FOXP1: variants seen among roughly 807,000 people sequenced by gnomAD.
FOXP1 encodes the protein forkhead box protein P1.
Under a neutral mutation model 98.2 loss-of-function variants are expected in FOXP1, and 15 were observed. The ratio of observed to expected loss-of-function variants is 0.15; its 90% CI spans 0.10 to 0.24. FOXP1 has a LOEUF of 0.24. Ranked by LOEUF, FOXP1 falls within the 10% of genes least tolerant of loss-of-function variation. The probability of loss-of-function intolerance (pLI) is 1.00; values close to 1 mark genes in which losing one functional copy is unlikely to be tolerated. For synonymous variants in FOXP1, 371 were observed against 314.5 expected (o/e 1.18, Z -1.90); for missense variants, 633 against 848.5 (o/e 0.75, Z 3.15).
chr3:71,052,496 TG>T, intron 9 of FOXP1, 40 bp downstream of exon 9: 4 of 887,016 alleles, frequency 4.5e-6, no homozygotes, highest in Non-Finnish European at 7.8e-6. Flanking sequence ...GATAGTCCTC[TG>T]GGATCTGTGG....
intron 5 of FOXP1, among the ~76,000 whole-genome samples, chr3:71,234,884 G>A (rs940388828): frequency 3.3e-5 from 5 of 152,192 alleles, no homozygotes; most frequent in Non-Finnish European, 5.9e-5. Flanking sequence ...GAACAGGGCA[G>A]GAGGAGGGGT....
chr3:71,194,398 T>G (rs1034401963), intron 6 of FOXP1, among the ~76,000 whole-genome samples: 1 of 152,218 alleles, frequency 6.6e-6, no homozygotes, highest in African/African-American at 2.4e-5. Flanking sequence ...ATTCTGTTAA[T>G]TGACCTGACA....
chr3:71,233,884 A>G (rs114591305), intron 5 of FOXP1, among the ~76,000 whole-genome samples: 2,542 of 152,314 alleles, frequency 0.017, 27 homozygotes, highest in Non-Finnish European at 0.026. Flanking sequence ...CTTTTAGCCC[A>G]AATCAAACAT....
chr3:71,187,552 C>T (rs867325669), intron 6 of FOXP1, among the ~76,000 whole-genome samples: 1 of 152,110 alleles, frequency 6.6e-6, no homozygotes, highest in African/African-American at 2.4e-5. Flanking sequence ...CATTGCACTC[C>T]AGCCTGGGCG....
intron 3 of FOXP1, among the ~76,000 whole-genome samples, chr3:71,378,820 T>A (rs2079925356): frequency 6.6e-6 from 1 of 152,102 alleles, no homozygotes; most frequent in South Asian, 2.1e-4. Flanking sequence ...TATGTATGTA[T>A]GTATAGGAAA....
At chr3:71,374,446 AGCTGGGTATGGTG>A (rs892001883) in intron 3 of FOXP1, among the ~76,000 whole-genome samples, 8 of 152,172 alleles carry the variant, frequency 5.3e-5, no homozygotes, top group African/African-American at 1.9e-4. Context: ...TACAAAAATT[AGCTGGGTATGGTG>A]GCACACACCT....
rs1553687915 is a variant in FOXP1 at position 71,005,337 on chromosome 3, A to AAC, written c.975-4279_975-4278insGT. On this transcript the variant is annotated intron_variant, in intron 12 of 20. Coordinates refer to ENST00000649528, the MANE Select transcript of FOXP1 (RefSeq NM_001349338.3). ...TTTAAAAAAAAAAAAAAAAAAAAAAAAAAACCAGAATCATAAGGAGTGCCC... is the reference window on the plus strand; with the variant it reads ...TTTAAAAAAAAAAAAAAAAAAAAAAAACAAAACCAGAATCATAAGGAGTGCCC... 3.3e-5 allele frequency among the ~76,000 whole-genome samples: 5 copies of AAC among 149,500 alleles called. No homozygotes were observed. The South Asian group carries it at 1.1e-3, about 31-fold the overall frequency.
intron 3 of FOXP1, among the ~76,000 whole-genome samples, chr3:71,393,739 G>T (rs2081194597): frequency 6.6e-6 from 1 of 152,216 alleles, no homozygotes; most frequent in Non-Finnish European, 1.5e-5. Context: ...GGGTGTCTGT[G>T]AAATCAAAGC....
At chr3:71,388,854 T>C (rs2080804140) in intron 3 of FOXP1, among the ~76,000 whole-genome samples, 1 of 152,174 alleles carries the variant, frequency 6.6e-6, no homozygotes, top group Non-Finnish European at 1.5e-5. Flanking sequence ...TCACAGCTAA[T>C]GTTCTGACCC....
At position 70,977,602 on chromosome 3, in the gene FOXP1, T is replaced by C. The variant is rs750885915; in HGVS notation, c.1428+41A>G. On this transcript the variant is annotated intron_variant, in intron 16 of 20. Transcript: ENST00000649528. ...ATCAATATATATCCATGTACACATA[T>C]ACCTTCTGACAGAATTTCATATACT... 10 of 1,479,072 alleles carry C rather than the reference T, an allele frequency of 6.8e-6. No individual in the cohort carries two copies. In the East Asian group the frequency reaches 6.8e-5, roughly 10 times the overall value. 91.6% of individuals were successfully genotyped at this position (1,479,072 alleles called of 1,614,324 possible).
chr3:70,963,615 C>T (rs1346523566), intron 20 of FOXP1, among the ~76,000 whole-genome samples: 2 of 152,186 alleles, frequency 1.3e-5, no homozygotes, highest in African/African-American at 2.4e-5. Context: ...ACACATTTCC[C>T]TTCTCCTTAC....
intron 7 of FOXP1, among the ~76,000 whole-genome samples, chr3:71,061,792 C>T (rs762720852): frequency 6.6e-6 from 1 of 152,158 alleles, no homozygotes; most frequent in South Asian, 2.1e-4. Flanking sequence ...TACAACTAAA[C>T]CACATAATAA....
intron 3 of FOXP1, among the ~76,000 whole-genome samples, chr3:71,405,513 C>T (rs930104712): frequency 6.6e-6 from 1 of 152,132 alleles, no homozygotes; most frequent in African/African-American, 2.4e-5. Context: ...AGAGAATAAT[C>T]CACCCAGACA....
At chr3:71,176,881 G>C (rs1054052475) in intron 6 of FOXP1, among the ~76,000 whole-genome samples, 1 of 151,732 alleles carries the variant, frequency 6.6e-6, no homozygotes, top group Non-Finnish European at 1.5e-5. Flanking sequence ...GGCCAACATC[G>C]TGAAACCCCA....
intron 4 of FOXP1, chr3:71,335,041 C>G (rs2107746021): frequency 6.6e-6 from 1 of 152,294 alleles, no homozygotes; most frequent in South Asian, 2.1e-4. Flanking sequence ...GGGAGGATCA[C>G]TTGGGGCCAG....
chr3:71,104,399 T>TCTG, intron 7 of FOXP1, among the ~76,000 whole-genome samples: 1 of 152,316 alleles, frequency 6.6e-6, no homozygotes, highest in South Asian at 2.1e-4. Flanking sequence ...AAGCCGCCCT[T>TCTG]CTGCTGCTGT....
chr3:71,124,135 ATTTT>A (rs143622144), intron 6 of FOXP1, among the ~76,000 whole-genome samples: 19,336 of 148,272 alleles, frequency 0.13, 1,334 homozygotes, highest in Admixed American at 0.18. Flanking sequence ...TTAAAGTTAT[ATTTT>A]TTTAAAAAAA....
At chr3:70,978,149 G>GTATGT in intron 14 of FOXP1, 120 bp from the exon 15 acceptor site, 1 of 797,336 alleles carries the variant, frequency 1.3e-6, no homozygotes, top group East Asian at 2.6e-5. Flanking sequence ...TATGTAGATG[G>GTATGT]TATGTTTACC....
intron 6 of FOXP1, among the ~76,000 whole-genome samples, chr3:71,169,593 C>T (rs540655623): frequency 2.6e-5 from 4 of 151,920 alleles, no homozygotes; most frequent in East Asian, 1.9e-4. Flanking sequence ...CACCTTTTAT[C>T]TTTCCTTCCT....
Sources: gnomAD v4.1 joint callset for allele counts (sites outside exome capture counted in the v4.1 genomes callset) on GRCh38, gnomAD v4.1.1 for gene constraint, MANE v1.5 for transcripts, NCBI Gene and HGNC (gene_info 2026-07-23, HGNC 2026-07-21) for gene names.